The following NTRK3 variants were observed in gnomAD, a reference collection of about 807,000 sequenced individuals.
NTRK3 encodes the protein NT-3 growth factor receptor.
A neutral mutation model predicts 91.7 loss-of-function variants in NTRK3; 24 were observed. That is an observed-to-expected ratio of 0.26 (90% CI 0.19 to 0.37). The LOEUF (loss-of-function observed/expected upper bound fraction) is 0.37. Among genes scored for constraint, NTRK3 ranks in the 10% least tolerant of loss-of-function variants. The probability of loss-of-function intolerance (pLI) is 1.00; values close to 1 mark genes in which losing one functional copy is unlikely to be tolerated. For missense variants in NTRK3, 880 were observed against 1,068.9 expected (o/e 0.82, Z 2.46); for synonymous variants, 483 against 404.0 (o/e 1.20, Z -2.34).
In NTRK3 at chr15:87,966,552, G is replaced by C. The variant is rs182811089; in HGVS notation, c.1586-25799C>G. ...CATCTTCCTCTAACCGTCCCACCCT[G>C]ACACTCTCGATGTTCCCACTGCCCC... On this transcript the variant is annotated intron_variant, in intron 14 of 18. Coordinates refer to ENST00000394480, the Ensembl canonical transcript of NTRK3. 2.3e-4 allele frequency among the ~76,000 whole-genome samples: 35 copies of C among 152,266 alleles called. 1 individual carries two copies. The East Asian group carries it at 6.4e-3, about 28-fold the overall frequency.
intron 13 of NTRK3, among the ~76,000 whole-genome samples, chr15:88,074,338 C>T (rs1446261187): frequency 6.6e-6 from 1 of 152,244 alleles, no homozygotes; most frequent in Non-Finnish European, 1.5e-5. Flanking sequence ...ATGGTGGCCA[C>T]TGGCCACATG....
chr15:88,002,468 G>A (rs2076180789), intron 14 of NTRK3, among the ~76,000 whole-genome samples: 1 of 151,994 alleles, frequency 6.6e-6, no homozygotes, highest in Admixed American at 6.6e-5. Context: ...CAGAGGGTAG[G>A]GAAGCCCTTC....
intron 14 of NTRK3, among the ~76,000 whole-genome samples, chr15:88,010,827 C>T (rs2076829507): frequency 6.6e-6 from 1 of 152,076 alleles, no homozygotes; most frequent in Non-Finnish European, 1.5e-5. Context: ...AATTGTACCA[C>T]TCACAGACAC....
chr15:87,873,580 C>T (rs1434462959), exon 19 of NTRK3: 2 of 231,316 alleles, frequency 8.6e-6, no homozygotes, highest in East Asian at 6.1e-5. Context: ...CTCTCAGAGG[C>T]GATGTGACAT....
intron 17 of NTRK3, among the ~76,000 whole-genome samples, chr15:87,881,730 T>G (rs1475567376): frequency 1.3e-5 from 2 of 152,000 alleles, no homozygotes; most frequent in African/African-American, 2.4e-5. Flanking sequence ...AAAGTTCTTA[T>G]TTCTATGGGG....
chr15:88,249,871 C>A (rs1399945939), intron 3 of NTRK3, among the ~76,000 whole-genome samples: 4 of 152,154 alleles, frequency 2.6e-5, no homozygotes, highest in Non-Finnish European at 5.9e-5. Flanking sequence ...GTGACTGAGT[C>A]CAGCCTCTAT....
intron 13 of NTRK3, among the ~76,000 whole-genome samples, chr15:88,071,692 A>G (rs2047101076): frequency 6.6e-6 from 1 of 152,236 alleles, no homozygotes; most frequent in African/African-American, 2.4e-5. Flanking sequence ...ACTAAATAAC[A>G]TACTCCAAGT....
chr15:88,035,536 G>A (rs2078998759), intron 13 of NTRK3, among the ~76,000 whole-genome samples: 3 of 152,186 alleles, frequency 2.0e-5, no homozygotes, highest in African/African-American at 7.2e-5. Context: ...TCTACCAGTG[G>A]AAAGTCAAGC....
intron 16 of NTRK3, 88 bp downstream of exon 16, chr15:87,932,924 G>A: frequency 7.7e-7 from 1 of 1,294,232 alleles, no homozygotes; most frequent in Non-Finnish European, 1.1e-6. Context: ...AGTGTTTAGA[G>A]GGGGTAGTAT....
At chr15:88,250,810 A>C (rs2053274131) in intron 3 of NTRK3, among the ~76,000 whole-genome samples, 1 of 152,236 alleles carries the variant, frequency 6.6e-6, no homozygotes. Flanking sequence ...TTATTTTATA[A>C]ACCCCAAACA....
At chr15:88,104,604 A>G (rs1453002361) in intron 13 of NTRK3, among the ~76,000 whole-genome samples, 3 of 152,178 alleles carry the variant, frequency 2.0e-5, no homozygotes, top group East Asian at 3.9e-4. Flanking sequence ...AGTTACTTCA[A>G]ATTGTGTGTG....
At chr15:88,112,244 A>T (rs1197669118) in intron 13 of NTRK3, among the ~76,000 whole-genome samples, 1 of 152,224 alleles carries the variant, frequency 6.6e-6, no homozygotes, top group Non-Finnish European at 1.5e-5. Flanking sequence ...CAGTTAATCC[A>T]ATGAGCAGCC....
chr15:88,115,323 C>T (rs1224848725), intron 13 of NTRK3, among the ~76,000 whole-genome samples: 4 of 152,246 alleles, frequency 2.6e-5, no homozygotes, highest in Admixed American at 6.5e-5. Context: ...GCCATTTTCA[C>T]ACATAATGGC....
At chr15:87,934,426 GC>G (rs943562021) in intron 15 of NTRK3, among the ~76,000 whole-genome samples, 1 of 152,158 alleles carries the variant, frequency 6.6e-6, no homozygotes, top group Non-Finnish European at 1.5e-5. Context: ...TAGGCATCTG[GC>G]TTTTTCAGGA....
exon 19 of NTRK3, chr15:87,865,059 A>G: frequency 9.3e-6 from 2 of 213,986 alleles, no homozygotes; most frequent in East Asian, 6.9e-5. Context: ...TTGCCTCTGT[A>G]TGAGGCAAAA....
exon 15 of NTRK3, chr15:87,940,673 C>G (rs371770675): frequency 6.2e-7 from 1 of 1,614,122 alleles, no homozygotes; most frequent in Non-Finnish European, 8.5e-7. Context: ...TTGTAGCACT[C>G]GGCCAGGAAG....
At position 87,950,648 on chromosome 15, in the gene NTRK3, A is replaced by G. The variant is rs539724270; in HGVS notation, c.1586-9895T>C. 2.3e-4 allele frequency among the ~76,000 whole-genome samples: 35 copies of G among 152,288 alleles called. 1 individual carries two copies. The South Asian group carries it at 7.3e-3, about 32-fold the overall frequency. On this transcript the variant is annotated intron_variant, in intron 14 of 18. Coordinates refer to ENST00000394480, the Ensembl canonical transcript of NTRK3. Reference sequence around the variant, plus strand: ...ACCAGTCTCAAATGTTGTTTTCATGAGCGAAATTAAGAAAATATCCACCTC... The same window carrying G: ...ACCAGTCTCAAATGTTGTTTTCATGGGCGAAATTAAGAAAATATCCACCTC...
intron 10 of NTRK3, among the ~76,000 whole-genome samples, chr15:88,129,144 A>C (rs1403386931): frequency 1.3e-5 from 2 of 152,340 alleles, no homozygotes; most frequent in East Asian, 3.9e-4. Flanking sequence ...GTATGATCTC[A>C]AGATAAACTT....
At chr15:88,168,466 A>G (rs1164729349) in intron 5 of NTRK3, among the ~76,000 whole-genome samples, 1 of 152,226 alleles carries the variant, frequency 6.6e-6, no homozygotes, top group Non-Finnish European at 1.5e-5. Context: ...TGACTGCTTA[A>G]GCTTTATTTA....
Sources: allele counts gnomAD v4.1 joint callset (sites outside exome capture counted in the v4.1 genomes callset), GRCh38; gene constraint gnomAD v4.1.1; transcripts MANE v1.5; gene names NCBI Gene and HGNC (gene_info 2026-07-23, HGNC 2026-07-21).